Variants in RAPGEF5 observed in about 807,000 individuals in gnomAD.
The protein encoded by RAPGEF5 is M-Ras-regulated GEF.
A neutral mutation model predicts 125.2 loss-of-function variants in RAPGEF5; 65 were observed. That is an observed-to-expected ratio of 0.52 (90% confidence interval 0.43 to 0.64). The LOEUF is 0.64. Ranked by LOEUF, RAPGEF5 falls within the 30% of genes least tolerant of loss-of-function variation. The pLI, the probability that RAPGEF5 is intolerant of heterozygous loss-of-function variation, is 0.00. For synonymous variants in RAPGEF5, 391 were observed against 385.9 expected (o/e 1.01, Z -0.16); for missense variants, 958 against 1,048.1 (o/e 0.91, Z 1.19).
chr7:22,160,610 T>C lies in RAPGEF5; in HGVS notation c.1434A>G (p.Ile478Met). The change falls in exon 14 of 26, where the codon ATA becomes ATG. Residue 478 changes from isoleucine to methionine, a missense_variant. By Grantham distance (10) the Ile-to-Met change is conservative. Transcript: ENST00000665637. ...AAACATCATCCAGTACATTCCTATATATGGTCTGGAGAAAAAAGACAAATG... is the reference window on the plus strand; with the variant it reads ...AAACATCATCCAGTACATTCCTATACATGGTCTGGAGAAAAAAGACAAATG... ...DEHSKMFLKTIYRNVLDDVYE... is the reference protein window; with the variant it reads ...DEHSKMFLKTMYRNVLDDVYE... 1.3e-6 allele frequency: 2 copies of C among 1,534,222 alleles called. No homozygotes were observed. Among genetic ancestry groups the C allele is most frequent in the South Asian group, 1.2e-5 (1 of 80,004 alleles).
At chr7:22,305,722 T>C (rs1783322040) in intron 5 of RAPGEF5, among the ~76,000 whole-genome samples, 1 of 152,178 alleles carries the variant, frequency 6.6e-6, no homozygotes, top group Non-Finnish European at 1.5e-5. Flanking sequence ...TTACCCTTCC[T>C]AGCCTCTGGT....
At chr7:22,329,169 A>G (rs1583582300) in intron 1 of RAPGEF5, among the ~76,000 whole-genome samples, 2 of 152,120 alleles carry the variant, frequency 1.3e-5, no homozygotes, top group East Asian at 1.9e-4. Flanking sequence ...CAACAACTGC[A>G]CTCTTTCTGC....
At chr7:22,341,423 C>T (rs535083959) in intron 1 of RAPGEF5, among the ~76,000 whole-genome samples, 100 of 152,274 alleles carry the variant, frequency 6.6e-4, no homozygotes, top group African/African-American at 2.4e-3. Flanking sequence ...CGGCCCCTCC[C>T]AAATCTCATG....
chr7:22,140,738 A>G (rs774276849), intron 20 of RAPGEF5, among the ~76,000 whole-genome samples: 1 of 152,190 alleles, frequency 6.6e-6, no homozygotes, highest in East Asian at 1.9e-4. Flanking sequence ...CATAACATCA[A>G]TCATGCCCAG....
intron 18 of RAPGEF5, 59 bp downstream of exon 18, chr7:22,150,348 C>T: frequency 6.5e-7 from 1 of 1,538,064 alleles, no homozygotes. Flanking sequence ...GCTCAGATTA[C>T]AGGTATGAGC....
At chr7:22,158,557 G>A (rs1322710232) in intron 14 of RAPGEF5, among the ~76,000 whole-genome samples, 2 of 152,048 alleles carry the variant, frequency 1.3e-5, no homozygotes, top group Non-Finnish European at 2.9e-5. Context: ...AAAGTCATGA[G>A]TTTTACATTT....
At position 22,314,557 on chromosome 7, in the gene RAPGEF5, T is replaced by C. The variant is rs1000263176; in HGVS notation, c.389+813A>G. The C allele has an allele frequency of 1.2e-5, 10 of 856,472 alleles. No individual in the cohort carries two copies. The East Asian group carries it at 7.3e-4, about 63-fold the overall frequency. 53.1% of individuals were successfully genotyped at this position (856,472 alleles called of 1,614,324 possible). On this transcript the variant is annotated intron_variant, in intron 3 of 25. Coordinates refer to ENST00000665637, the MANE Select transcript of RAPGEF5 (RefSeq NM_012294.5). ...ATTTAACATAAAGGAATATCCTTTA[T>C]TCTGAGAACTTCCTACTTTTTGGGT...
At chr7:22,276,313 CT>C (rs1282261163) in intron 6 of RAPGEF5, among the ~76,000 whole-genome samples, 16 of 152,280 alleles carry the variant, frequency 1.1e-4, no homozygotes, top group African/African-American at 3.4e-4. Flanking sequence ...AACAAAGCAT[CT>C]CCAAAGCCAT....
chr7:22,222,901 T>G (rs540264927), intron 8 of RAPGEF5, among the ~76,000 whole-genome samples: 1 of 152,120 alleles, frequency 6.6e-6, no homozygotes, highest in East Asian at 1.9e-4. Flanking sequence ...ATTTCAAAGG[T>G]AGAGCCAGCA....
chr7:22,271,179 G>A (rs1490636243), intron 6 of RAPGEF5, among the ~76,000 whole-genome samples: 2 of 152,014 alleles, frequency 1.3e-5, no homozygotes, highest in Admixed American at 1.3e-4. Flanking sequence ...ATTTGGAGAG[G>A]TTTAAAAAAA....
chr7:22,245,337 T>C lies in RAPGEF5; in HGVS notation c.797-14418A>G, dbSNP rs111407053. ...TTGATGTAATCTCATTTGTCTTTTT[T>C]CGCTTTTATTGCTTGTGCTTTTGGG... On this transcript the variant is annotated intron_variant, in intron 7 of 25. Transcript: ENST00000665637. Among the ~76,000 whole-genome samples, 745 of 152,330 alleles carry C rather than the reference T, an allele frequency of 4.9e-3. 10 individuals are homozygous for C. Among genetic ancestry groups the C allele is most frequent in the South Asian group, 0.027 (129 of 4,832 alleles).
Position 22,136,972 on chromosome 7 carries a change from C to A in RAPGEF5, c.2289G>T (p.Gly763=). Residue 763 remains glycine (G), a synonymous_variant, in exon 22 of 26, where the codon GGG becomes GGT. Coordinates refer to ENST00000665637, the MANE Select transcript of RAPGEF5 (RefSeq NM_012294.5). Reference sequence around the variant, plus strand: ...GTTCAGAGAAAAGTTTCTTAAACTTCCCAGGGATTTTCTAAAAAACAAACA... The same window carrying A: ...GTTCAGAGAAAAGTTTCTTAAACTTACCAGGGATTTTCTAAAAAACAAACA... ...RLSQTWEKIP[G]KFKKLFSELE... is the part of the protein sequence containing the mutation. 5.1e-6 allele frequency: 8 copies of A among 1,583,288 alleles called. No individual in the cohort carries two copies. Among genetic ancestry groups the A allele is most frequent in the Non-Finnish European group, 6.9e-6 (8 of 1,160,804 alleles).
intron 9 of RAPGEF5, among the ~76,000 whole-genome samples, chr7:22,204,595 G>T (rs1191719051): frequency 6.6e-6 from 1 of 152,208 alleles, no homozygotes; most frequent in Admixed American, 6.6e-5. Flanking sequence ...TGGAATGAGA[G>T]TGAGGAGATA....
intron 15 of RAPGEF5, 66 bp downstream of exon 15, chr7:22,157,789 C>G (rs1583425159): frequency 1.3e-6 from 2 of 1,514,096 alleles, no homozygotes. Flanking sequence ...TGAAACACGC[C>G]AAGGGAGGCA....
rs532261491 is a variant in RAPGEF5 at position 22,341,339 on chromosome 7, G to A, written c.231+15491C>T. Among the ~76,000 whole-genome samples, 36 of 152,264 alleles carry A rather than the reference G, an allele frequency of 2.4e-4. No individual in the cohort carries two copies. In the South Asian group the frequency reaches 5.6e-3, roughly 24 times the overall value. Reference sequence around the variant, plus strand: ...CCCTGTGATTCAATTACCTCCCACCGGGTTCCTCCCACAACACGTGAGAAT... The same window carrying A: ...CCCTGTGATTCAATTACCTCCCACCAGGTTCCTCCCACAACACGTGAGAAT... On this transcript the variant is annotated intron_variant, in intron 1 of 25. Transcript: ENST00000665637.
chr7:22,144,350 G>A (rs1783359329), intron 20 of RAPGEF5, among the ~76,000 whole-genome samples: 1 of 152,234 alleles, frequency 6.6e-6, no homozygotes, highest in Admixed American at 6.5e-5. Context: ...GTATATCTGT[G>A]CAGAGGGGAA....
chr7:22,214,393 T>A (rs546935549), intron 9 of RAPGEF5, among the ~76,000 whole-genome samples: 3 of 152,190 alleles, frequency 2.0e-5, no homozygotes, highest in Non-Finnish European at 2.9e-5. Context: ...ACATACATTT[T>A]ACAGATACTG....
At chr7:22,345,225 T>C (rs570578472) in intron 1 of RAPGEF5, among the ~76,000 whole-genome samples, 3 of 152,368 alleles carry the variant, frequency 2.0e-5, no homozygotes, top group East Asian at 1.9e-4. Context: ...AAGGGGCTCC[T>C]GACTCTTAAC....
At chr7:22,187,126 T>G (rs1441759919) in intron 11 of RAPGEF5, among the ~76,000 whole-genome samples, 1 of 152,190 alleles carries the variant, frequency 6.6e-6, no homozygotes, top group Non-Finnish European at 1.5e-5. Context: ...TAGACCAAAT[T>G]TCCTAAGCCC....
Sources: allele counts gnomAD v4.1 joint callset (sites outside exome capture counted in the v4.1 genomes callset), GRCh38; gene constraint gnomAD v4.1.1; transcripts MANE v1.5; gene names NCBI Gene and HGNC (gene_info 2026-07-23, HGNC 2026-07-21).